Variants in NKAIN2 observed in about 807,000 individuals in gnomAD.
NKAIN2 encodes sodium/potassium transporting ATPase interacting 2.
In NKAIN2, 14 loss-of-function variants were observed where a neutral mutation model predicts 32.6. The ratio of observed to expected loss-of-function variants is 0.43; its 90% CI spans 0.28 to 0.67. NKAIN2 has a LOEUF of 0.67. Ranked by LOEUF, NKAIN2 falls within the 30% of genes least tolerant of loss-of-function variation. The pLI, the probability that NKAIN2 is intolerant of heterozygous loss-of-function variation, is 0.17. For synonymous variants in NKAIN2, 80 were observed against 87.2 expected (o/e 0.92, Z 0.46); for missense variants, 198 against 258.3 (o/e 0.77, Z 1.60).
chr6:124,700,676 A>T (rs972082427), intron 4 of NKAIN2, among the ~76,000 whole-genome samples: 1 of 152,124 alleles, frequency 6.6e-6, no homozygotes. Flanking sequence ...AGGCTAACTT[A>T]ACTTATAAGC....
chr6:124,810,455 G>A (rs1296148195), intron 5 of NKAIN2, among the ~76,000 whole-genome samples: 1 of 152,052 alleles, frequency 6.6e-6, no homozygotes, highest in Non-Finnish European at 1.5e-5. Context: ...GACACAGGAA[G>A]GGGAACATCA....
intron 1 of NKAIN2, among the ~76,000 whole-genome samples, chr6:123,822,953 GA>G (rs1480288569): frequency 6.6e-6 from 1 of 152,056 alleles, no homozygotes; most frequent in Non-Finnish European, 1.5e-5. Flanking sequence ...TCTAGCAAAA[GA>G]GTTTAAATTT....
chr6:124,740,721 G>A (rs546295329), intron 4 of NKAIN2, among the ~76,000 whole-genome samples: 1 of 151,988 alleles, frequency 6.6e-6, no homozygotes, highest in Non-Finnish European at 1.5e-5. Flanking sequence ...GAAACTATAA[G>A]ACAGCTAGTG....
intron 3 of NKAIN2, among the ~76,000 whole-genome samples, chr6:124,427,394 A>G (rs1028900315): frequency 6.6e-6 from 1 of 152,190 alleles, no homozygotes; most frequent in African/African-American, 2.4e-5. Flanking sequence ...CCTAATCATC[A>G]TCTTGATTAT....
intron 1 of NKAIN2, among the ~76,000 whole-genome samples, chr6:123,961,237 A>C (rs1253535813): frequency 6.6e-6 from 1 of 152,064 alleles, no homozygotes; most frequent in Non-Finnish European, 1.5e-5. Flanking sequence ...CCTGTGTCTC[A>C]TTTTCTACAA....
chr6:124,121,292 G>T (rs1165411003), intron 1 of NKAIN2, among the ~76,000 whole-genome samples: 1 of 151,956 alleles, frequency 6.6e-6, no homozygotes, highest in Non-Finnish European at 1.5e-5. Flanking sequence ...TCTGTAAGTT[G>T]TAAGAAGCCA....
rs867143780 is a variant in NKAIN2, at chr6:124,366,612, C to T, written c.273+11265C>T. 6.6e-5 allele frequency among the ~76,000 whole-genome samples: 10 copies of T among 152,098 alleles called. No individual in the cohort carries two copies. The South Asian group carries it at 1.0e-3, about 16-fold the overall frequency. ...AGTATAACCTTACTTATTGAGGATACGTGTGATTGTCAAATAACAGATTAC... is the reference window on the plus strand; with the variant it reads ...AGTATAACCTTACTTATTGAGGATATGTGTGATTGTCAAATAACAGATTAC... On this transcript the variant is annotated intron_variant, in intron 3 of 6. Coordinates refer to ENST00000368417, the MANE Select transcript of NKAIN2 (RefSeq NM_001040214.3).
chr6:124,736,427 A>T (rs1305900837), intron 4 of NKAIN2, among the ~76,000 whole-genome samples: 1 of 151,948 alleles, frequency 6.6e-6, no homozygotes, highest in Non-Finnish European at 1.5e-5. Flanking sequence ...TAAACAACAG[A>T]TTTTTTAATT....
intron 3 of NKAIN2, among the ~76,000 whole-genome samples, chr6:124,411,459 A>C (rs1774178774): frequency 6.6e-6 from 1 of 152,064 alleles, no homozygotes; most frequent in African/African-American, 2.4e-5. Flanking sequence ...TTGGCTGGAT[A>C]TGAAATTCTG....
intron 2 of NKAIN2, among the ~76,000 whole-genome samples, chr6:124,313,916 C>G (rs921038311): frequency 2.0e-5 from 3 of 152,080 alleles, no homozygotes; most frequent in Non-Finnish European, 4.4e-5. Flanking sequence ...CAAAAATGCC[C>G]TATTGAATAA....
intron 5 of NKAIN2, among the ~76,000 whole-genome samples, chr6:124,805,662 GAGA>G (rs1252278825): frequency 1.3e-5 from 2 of 152,222 alleles, no homozygotes; most frequent in Non-Finnish European, 2.9e-5. Flanking sequence ...GACGAGTTGA[GAGA>G]AGAAGGCTTC....
chr6:124,730,167 T>C (rs1222529934), intron 4 of NKAIN2, among the ~76,000 whole-genome samples: 1 of 91,254 alleles, frequency 1.1e-5, no homozygotes, highest in African/African-American at 4.3e-5. Context: ...GCCATCCCCA[T>C]CAAGCTACCA....
At chr6:123,997,849 C>A (rs7759414) in intron 1 of NKAIN2, among the ~76,000 whole-genome samples, 1 of 151,892 alleles carries the variant, frequency 6.6e-6, no homozygotes, top group Non-Finnish European at 1.5e-5. Flanking sequence ...GTGATCCTCC[C>A]GCCTCGGCCT....
intron 1 of NKAIN2, among the ~76,000 whole-genome samples, chr6:124,207,127 C>G (rs1430579587): frequency 6.6e-6 from 1 of 151,398 alleles, no homozygotes; most frequent in Admixed American, 6.6e-5. Flanking sequence ...AATATTGTTT[C>G]AACATAATAA....
chr6:124,111,253 T>C (rs1316102879), intron 1 of NKAIN2, among the ~76,000 whole-genome samples: 2 of 152,042 alleles, frequency 1.3e-5, no homozygotes, highest in Non-Finnish European at 2.9e-5. Flanking sequence ...GATTATCTGT[T>C]TTCTTATCGA....
intron 1 of NKAIN2, among the ~76,000 whole-genome samples, chr6:124,243,837 A>G (rs865922818): frequency 5.1e-4 from 77 of 152,128 alleles, no homozygotes; most frequent in African/African-American, 1.8e-3. Flanking sequence ...ACCACGTTAT[A>G]TACAGGAAAT....
intron 1 of NKAIN2, chr6:123,823,258 A>G (rs961386806): frequency 9.9e-5 from 15 of 152,226 alleles, no homozygotes; most frequent in African/African-American, 3.1e-4. Context: ...ATTTGGAGAC[A>G]AAGAATTGGA....
At chr6:123,871,239 T>C (rs1418579451) in intron 1 of NKAIN2, among the ~76,000 whole-genome samples, 1 of 152,232 alleles carries the variant, frequency 6.6e-6, no homozygotes, top group African/African-American at 2.4e-5. Context: ...TTTTTGTTTC[T>C]CTTTGGCTTT....
At chr6:124,347,780 A>C (rs1798506305) in intron 2 of NKAIN2, among the ~76,000 whole-genome samples, 1 of 152,100 alleles carries the variant, frequency 6.6e-6, no homozygotes, top group Non-Finnish European at 1.5e-5. Context: ...TTTGGTTTGA[A>C]TTTCCTCCTG....
Sources: allele counts gnomAD v4.1 joint callset (sites outside exome capture counted in the v4.1 genomes callset), GRCh38; gene constraint gnomAD v4.1.1; transcripts MANE v1.5; gene names NCBI Gene and HGNC (gene_info 2026-07-23, HGNC 2026-07-21).